The following ALK variants were observed in gnomAD, a reference collection of about 807,000 sequenced individuals.
ALK encodes the protein ALK receptor tyrosine kinase.
Under a neutral mutation model 163.1 loss-of-function variants are expected in ALK, and 74 were observed. That is an observed-to-expected ratio of 0.45 (90% CI 0.38 to 0.55). The LOEUF is 0.55. Among genes scored for constraint, ALK ranks in the 20% least tolerant of loss-of-function variants. The pLI is 0.00. For synonymous variants in ALK, 960 were observed against 843.2 expected, an observed-to-expected ratio of 1.14 and a Z score of -2.40; for missense variants, 2,063 against 2,105.3, an observed-to-expected ratio of 0.98 and a Z score of 0.39.
Position 29,485,772 on chromosome 2 carries a change from A to G in ALK, c.1154+46143T>C, listed in dbSNP as rs555910658. On this transcript the variant is annotated intron_variant, in intron 4 of 28. Transcript: ENST00000389048. ...GGTCCTCCCTCAAGGTCAGAACCAG[A>G]TTCAATCTCTGGGCAGTCTGGTTCG... is the stretch of plus-strand genomic sequence containing the variant. Among the ~76,000 whole-genome samples, 8 of 152,184 alleles carry G rather than the reference A, an allele frequency of 5.3e-5. No individual in the cohort carries two copies. The South Asian group carries it at 1.2e-3, about 24-fold the overall frequency.
At chr2:29,203,474 T>C (rs950191223) in intron 26 of ALK, among the ~76,000 whole-genome samples, 26 of 140,718 alleles carry the variant, frequency 1.8e-4, no homozygotes, top group African/African-American at 5.5e-4. Context: ...ACCATTGGCC[T>C]GAGGATGTGC....
At chr2:29,903,073 C>T (rs554455970) in intron 1 of ALK, among the ~76,000 whole-genome samples, 1 of 152,158 alleles carries the variant, frequency 6.6e-6, no homozygotes, top group Non-Finnish European at 1.5e-5. Context: ...CAAATGCTGA[C>T]TCAAAATCCT....
rs147300882 is a variant in ALK at position 29,363,330 on chromosome 2, G to A, written c.1282+20402C>T. Among the ~76,000 whole-genome samples the A allele has an allele frequency of 2.9e-3, 441 of 152,336 alleles. 1 individual carries two copies. Among genetic ancestry groups the A allele is most frequent in the African/African-American group, 0.01 (424 of 41,578 alleles). ...GGCCTTCACCGATGACAGCTGGGCTGTTTCTTGGATAACAGCATATCTAGG... is the reference window on the plus strand; with the variant it reads ...GGCCTTCACCGATGACAGCTGGGCTATTTCTTGGATAACAGCATATCTAGG... On this transcript the variant is annotated intron_variant, in intron 5 of 28. Transcript: ENST00000389048.
At chr2:29,379,131 T>C (rs1427391972) in intron 5 of ALK, among the ~76,000 whole-genome samples, 1 of 152,170 alleles carries the variant, frequency 6.6e-6, no homozygotes, top group Non-Finnish European at 1.5e-5. Context: ...ATCCTATTGC[T>C]CTGGGTTGTC....
At chr2:29,748,325 T>C (rs1277505997) in intron 1 of ALK, among the ~76,000 whole-genome samples, 5 of 152,186 alleles carry the variant, frequency 3.3e-5, no homozygotes, top group African/African-American at 1.2e-4. Flanking sequence ...TACTCAAGGG[T>C]GTGTTGACTA....
intron 4 of ALK, among the ~76,000 whole-genome samples, chr2:29,428,926 G>C (rs908301789): frequency 6.6e-6 from 1 of 151,812 alleles, no homozygotes; most frequent in African/African-American, 2.4e-5. Flanking sequence ...GACCAATTAG[G>C]CTTTATTACA....
chr2:29,387,512 T>A (rs1669060150), intron 4 of ALK, among the ~76,000 whole-genome samples: 1 of 152,200 alleles, frequency 6.6e-6, no homozygotes, highest in Non-Finnish European at 1.5e-5. Flanking sequence ...AGCTGAGTCC[T>A]GGATTCCGGT....
intron 3 of ALK, among the ~76,000 whole-genome samples, chr2:29,627,240 A>G (rs757120329): frequency 6.6e-6 from 1 of 152,166 alleles, no homozygotes; most frequent in Non-Finnish European, 1.5e-5. Context: ...TTAAAACAGA[A>G]AATTCTCTTC....
intron 2 of ALK, among the ~76,000 whole-genome samples, chr2:29,716,029 T>C (rs992300291): frequency 1.3e-5 from 2 of 152,160 alleles, no homozygotes; most frequent in African/African-American, 4.8e-5. Flanking sequence ...CCAAGAGCGT[T>C]ATAGATGAGA....
At chr2:29,624,846 G>A (rs1676147276) in intron 3 of ALK, among the ~76,000 whole-genome samples, 1 of 152,242 alleles carries the variant, frequency 6.6e-6, no homozygotes. Context: ...AAATAAGAGT[G>A]TTCCTCTAAC....
intron 1 of ALK, among the ~76,000 whole-genome samples, chr2:29,782,469 C>T (rs1374745849): frequency 6.6e-6 from 1 of 152,172 alleles, no homozygotes; most frequent in Non-Finnish European, 1.5e-5. Flanking sequence ...GTGCCCCGCA[C>T]CCATTCACCA....
chr2:29,760,016 A>T (rs1257917481), intron 1 of ALK, among the ~76,000 whole-genome samples: 1 of 152,204 alleles, frequency 6.6e-6, no homozygotes, highest in East Asian at 1.9e-4. Flanking sequence ...TCTGCCTATC[A>T]TTCTCACAGA....
At chr2:29,597,558 A>G (rs189503417) in intron 3 of ALK, among the ~76,000 whole-genome samples, 102 of 152,326 alleles carry the variant, frequency 6.7e-4, no homozygotes, top group Admixed American at 1.6e-3. Flanking sequence ...GGTGACTCAT[A>G]TGGATTTTGC....
intron 4 of ALK, 79 bp downstream of exon 4, chr2:29,531,836 G>A: frequency 7.0e-7 from 1 of 1,433,578 alleles, no homozygotes; most frequent in Non-Finnish European, 9.8e-7. Flanking sequence ...GTAAGTAGAT[G>A]TCACAGACTC....
intron 4 of ALK, among the ~76,000 whole-genome samples, chr2:29,423,308 A>G (rs1370393264): frequency 6.6e-6 from 1 of 152,218 alleles, no homozygotes; most frequent in African/African-American, 2.4e-5. Context: ...CTGGTAAGAG[A>G]TAAAACTAGA....
chr2:29,755,348 C>T (rs1444333375), intron 1 of ALK, among the ~76,000 whole-genome samples: 1 of 152,230 alleles, frequency 6.6e-6, no homozygotes, highest in Non-Finnish European at 1.5e-5. Flanking sequence ...GTCAAACATC[C>T]ACACATCCTT....
At chr2:29,235,075 A>G (rs547567209) in intron 13 of ALK, among the ~76,000 whole-genome samples, 285 of 152,328 alleles carry the variant, frequency 1.9e-3, no homozygotes, top group African/African-American at 6.1e-3. Context: ...GGGCTCAGGT[A>G]TTAGAGAGTC....
chr2:29,666,153 C>A (rs2254066), intron 3 of ALK, among the ~76,000 whole-genome samples: 129,636 of 152,120 alleles, frequency 0.85, 55,546 homozygotes, highest in African/African-American at 0.94. Context: ...TTAGTCTACT[C>A]ATCAAAAAAG....
At chr2:29,578,858 T>C (rs951291966) in intron 3 of ALK, among the ~76,000 whole-genome samples, 29 of 152,206 alleles carry the variant, frequency 1.9e-4, no homozygotes, top group Non-Finnish European at 3.2e-4. Flanking sequence ...GCATCTACCC[T>C]GGAGTCCAGC....
Sources: allele counts gnomAD v4.1 joint callset (sites outside exome capture counted in the v4.1 genomes callset), GRCh38; gene constraint gnomAD v4.1.1; transcripts MANE v1.5; gene names NCBI Gene and HGNC (gene_info 2026-07-23, HGNC 2026-07-21).